Variants in MAPT observed in about 807,000 individuals in gnomAD.
MAPT encodes the protein microtubule associated protein tau.
A neutral mutation model predicts 67.9 loss-of-function variants in MAPT; 34 were observed. That is an observed-to-expected ratio of 0.50 (90% CI 0.38 to 0.67). MAPT has a LOEUF of 0.67. Ranked by LOEUF, MAPT falls within the 30% of genes least tolerant of loss-of-function variation. The pLI is 0.00. For missense variants in MAPT, 881 were observed against 1,115.2 expected (o/e 0.79, Z 2.99); for synonymous variants, 456 against 464.5 (o/e 0.98, Z 0.23).
chr17:45,948,277 A>AT (rs1338873394), intron 1 of MAPT, among the ~76,000 whole-genome samples: 1 of 152,026 alleles, frequency 6.6e-6, no homozygotes, highest in East Asian at 1.9e-4. Context: ...AAATACTGGG[A>AT]TTAAGGTATG....
rs772001455 is a variant in MAPT at position 45,983,672 on chromosome 17, G to C, written c.1093G>C (p.Gly365Arg). Residue 365 changes from glycine (G) to arginine (R), a missense_variant, in exon 5 of 13, where the codon GGG (glycine) becomes CGG (arginine). Transcript: ENST00000262410. ...PASEPDGPSV[G>R]RAKGQDAPLE... is the part of the protein sequence containing the mutation. The stretch of plus-strand genomic sequence containing the variant: ...CTCAGAGCCCGACGGGCCCAGTGTA[G>C]GGCGGGCCAAAGGGCAGGATGCCCC... 1.2e-6 allele frequency: 2 copies of C among 1,614,084 alleles called. No homozygotes were observed. The highest frequency in any genetic ancestry group is 3.3e-5 in the Admixed American group (2 of 60,030).
At chr17:45,927,080 G>A (rs2066412458) in intron 1 of MAPT, among the ~76,000 whole-genome samples, 1 of 151,804 alleles carries the variant, frequency 6.6e-6, no homozygotes, top group Non-Finnish European at 1.5e-5. Flanking sequence ...CCAAGTTAAA[G>A]ATTGGTGAGT....
intron 8 of MAPT, among the ~76,000 whole-genome samples, chr17:45,991,815 G>A (rs576893665): frequency 6.8e-6 from 1 of 147,304 alleles, no homozygotes. Context: ...ACAGAGTTTC[G>A]CTTTTGTTAT....
chr17:45,991,364 T>C, intron 7 of MAPT, 96 bp from the exon 8 acceptor site: 7 of 1,533,962 alleles, frequency 4.6e-6, no homozygotes, highest in Non-Finnish European at 6.3e-6. Context: ...TTAGCCACGT[T>C]TTGAGTCAAG....
intron 1 of MAPT, chr17:45,910,801 C>T (rs1390771843): frequency 6.6e-6 from 1 of 152,146 alleles, no homozygotes; most frequent in Non-Finnish European, 1.5e-5. Context: ...TCCAGGCAGC[C>T]CCCTTCTGGG....
At chr17:46,003,097 G>GGTGTGT (rs2075141440) in intron 9 of MAPT, among the ~76,000 whole-genome samples, 1 of 134,548 alleles carries the variant, frequency 7.4e-6, no homozygotes, top group Non-Finnish European at 1.7e-5. Flanking sequence ...TCTTTTTAAG[G>GGTGTGT]GCGTGTGTGT....
chr17:45,941,661 T>TC lies in MAPT; in HGVS notation c.-17-20654dup, dbSNP rs1205744860. ...TTCCCTCCTTCCCCCCTTCCACCCTTCCCCCCTTCCCCCCTTCCCTCCTTC... is the reference window on the plus strand; with the variant it reads ...TTCCCTCCTTCCCCCCTTCCACCCTTCCCCCCCTTCCCCCCTTCCCTCCTTC... On this transcript the variant is annotated intron_variant, in intron 1 of 12. Coordinates refer to ENST00000262410, the MANE Select transcript of MAPT (RefSeq NM_001377265.1). 4.5e-4 allele frequency among the ~76,000 whole-genome samples: 41 copies of TC among 91,508 alleles called. 2 individuals carry two copies. The highest frequency in any genetic ancestry group is 7.2e-4 in the Non-Finnish European group (35 of 48,454). The allele number at this position is 91,508 out of a possible 152,430, so 60.0% of individuals were successfully genotyped here.
intron 1 of MAPT, among the ~76,000 whole-genome samples, chr17:45,941,649 C>CTTTCCCT (rs1410174491): frequency 7.5e-5 from 5 of 66,864 alleles, no homozygotes. Context: ...CCTCCTTCCC[C>CTTTCCCT]CCTTCCACCC....
Position 45,937,731 on chromosome 17 carries a change from T to C in MAPT, c.-17-24590T>C, listed in dbSNP as rs191944894. On this transcript the variant is annotated intron_variant, in intron 1 of 12. Transcript: ENST00000262410. ...GGGGCCCTCAGTGTGCACAACCAGATAACACATGCTCTGTGGGCTTTTGTA... is the reference window on the plus strand; with the variant it reads ...GGGGCCCTCAGTGTGCACAACCAGACAACACATGCTCTGTGGGCTTTTGTA... Among the ~76,000 whole-genome samples the C allele has an allele frequency of 3.7e-4, 56 of 151,706 alleles. No homozygotes were observed. In the East Asian group the frequency reaches 8.7e-3, roughly 24 times the overall value.
intron 1 of MAPT, among the ~76,000 whole-genome samples, chr17:45,952,994 C>CA (rs1408493623): frequency 1.7e-5 from 2 of 117,952 alleles, no homozygotes; most frequent in Non-Finnish European, 3.6e-5. Flanking sequence ...TCCTGGGAAT[C>CA]ATAACACCTA....
chr17:45,991,703 C>A, intron 8 of MAPT, 117 bp downstream of exon 8: 2 of 1,437,742 alleles, frequency 1.4e-6, no homozygotes, highest in Non-Finnish European at 1.9e-6. Flanking sequence ...TGGTCAGCAG[C>A]TTGCAGTTTA....
rs575624759 is a variant in MAPT, at chr17:45,916,687, A to G, written c.-18+22001A>G. Among the ~76,000 whole-genome samples, 4 of 152,176 alleles carry G rather than the reference A, an allele frequency of 2.6e-5. No individual in the cohort carries two copies. The East Asian group carries it at 5.8e-4, about 22-fold the overall frequency. ...CCTCCCTTCTCCCCAGTCCTCCCCAACTTCTGAGGTTACATTGAGAAAAGT... is the reference window on the plus strand; with the variant it reads ...CCTCCCTTCTCCCCAGTCCTCCCCAGCTTCTGAGGTTACATTGAGAAAAGT... On this transcript the variant is annotated intron_variant, in intron 1 of 12. Transcript: ENST00000262410.
chr17:46,024,174 A>G lies in MAPT; in HGVS notation c.*3A>G, dbSNP rs1222752126. 5 of 1,613,526 alleles carry G rather than the reference A, an allele frequency of 3.1e-6. No homozygotes were observed. The highest frequency in any genetic ancestry group is 1.3e-5 in the African/African-American group (1 of 74,922). On this transcript the variant is annotated 3_prime_UTR_variant, in exon 13 of 13. Coordinates refer to ENST00000262410, the MANE Select transcript of MAPT (RefSeq NM_001377265.1). ...CCCTGGCCAAGCAGGGTTTGTGATC[A>G]GGCCCCTGGGGCGGTCAATAATTGT... is the stretch of plus-strand genomic sequence containing the variant.
intron 1 of MAPT, among the ~76,000 whole-genome samples, chr17:45,939,697 A>G (rs1289889331): frequency 6.6e-6 from 1 of 152,182 alleles, no homozygotes; most frequent in African/African-American, 2.4e-5. Context: ...TGGCAGATCC[A>G]TAACAGATAA....
chr17:45,990,815 T>A (rs2074001478), intron 7 of MAPT, among the ~76,000 whole-genome samples: 1 of 151,994 alleles, frequency 6.6e-6, no homozygotes, highest in East Asian at 1.9e-4. Context: ...TGTCTAAGGG[T>A]CATCTGCTGG....
Position 46,018,715 on chromosome 17 carries a change from C to T in MAPT, c.2271C>T (p.Gly757=), listed in dbSNP as rs148501218. 38 of 1,613,264 alleles carry T rather than the reference C, an allele frequency of 2.4e-5. No individual in the cohort carries two copies. Among genetic ancestry groups the T allele is most frequent in the Admixed American group, 2.0e-4 (12 of 59,990 alleles). ...GSLDNITHVP[G]GGNKKIETHK... Reference sequence around the variant, plus strand: ...TGGACAATATCACCCACGTCCCTGGCGGAGGAAATAAAAAGGTAAAGGGGG... The same window carrying T: ...TGGACAATATCACCCACGTCCCTGGTGGAGGAAATAAAAAGGTAAAGGGGG... Residue 757 remains glycine, a synonymous_variant, in exon 12 of 13, where the codon GGC becomes GGT. Coordinates refer to ENST00000262410, the MANE Select transcript of MAPT (RefSeq NM_001377265.1).
At chr17:45,923,502 C>T (rs1439614836) in intron 1 of MAPT, among the ~76,000 whole-genome samples, 1 of 152,230 alleles carries the variant, frequency 6.6e-6, no homozygotes, top group Admixed American at 6.5e-5. Flanking sequence ...ATCCAGCCCT[C>T]AGGGCTCTGT....
rs775633942 is a variant in MAPT at position 45,915,749 on chromosome 17, A to G, written c.-18+21063A>G. Among the ~76,000 whole-genome samples, 2 of 152,166 alleles carry G rather than the reference A, an allele frequency of 1.3e-5. No individual in the cohort carries two copies. The highest frequency in any genetic ancestry group is 2.9e-5 in the Non-Finnish European group (2 of 67,998). On this transcript the variant is annotated intron_variant, in intron 1 of 12. Coordinates refer to ENST00000262410, the MANE Select transcript of MAPT (RefSeq NM_001377265.1). This position sits in a 1 kb window ranked among gnomAD's most constrained non-coding sequence, Gnocchi z 4.4. ...TGTGCTGAAGTATCTACTCCTTGTC[A>G]TAGTCTGTGACAACCCAGACTAGCC...
chr17:45,917,142 GAGA>G (rs67180752), intron 1 of MAPT, among the ~76,000 whole-genome samples: 21,810 of 152,258 alleles, frequency 0.14, 2,129 homozygotes, highest in Middle Eastern at 0.22. Context: ...CTTCTGTAGT[GAGA>G]AGAACTCTTT....
Sources: gnomAD v4.1 joint callset for allele counts (sites outside exome capture counted in the v4.1 genomes callset) on GRCh38, gnomAD v4.1.1 for gene constraint, Gnocchi (gnomAD v3.1) non-coding constraint, MANE v1.5 for transcripts, NCBI Gene and HGNC (gene_info 2026-07-23, HGNC 2026-07-21) for gene names.